Variants in MEGF9 observed in about 807,000 individuals in gnomAD.
The protein encoded by MEGF9 is multiple EGF like domains 9.
A neutral mutation model predicts 46.8 loss-of-function variants in MEGF9; 6 were observed. The observed-to-expected ratio is 0.13, with a 90% CI of 0.07 to 0.25. The LOEUF (loss-of-function observed/expected upper bound fraction) is 0.25, where lower values mean the gene tolerates loss of function less well. MEGF9 is among the 10% of genes least tolerant of loss of function. MEGF9 has a pLI of 1.00. For synonymous variants in MEGF9, 302 were observed against 330.7 expected, an observed-to-expected ratio of 0.91 and a Z score of 0.94; for missense variants, 683 against 792.4, an observed-to-expected ratio of 0.86 and a Z score of 1.66.
At chr9:120,622,036 T>C (rs1241627129) in intron 3 of MEGF9, among the ~76,000 whole-genome samples, 2 of 152,190 alleles carry the variant, frequency 1.3e-5, no homozygotes, top group East Asian at 3.8e-4. Flanking sequence ...TTGAATGTCA[T>C]AGCAGGCCCT....
At chr9:120,613,557 A>G (rs1356477883) in intron 3 of MEGF9, among the ~76,000 whole-genome samples, 1 of 152,080 alleles carries the variant, frequency 6.6e-6, no homozygotes, top group African/African-American at 2.4e-5. Flanking sequence ...TTAAAAATTT[A>G]AAGTAAAAAT....
chr9:120,612,228 T>A (rs1488339278), intron 4 of MEGF9, among the ~76,000 whole-genome samples, 168 bp downstream of exon 4: 1 of 152,200 alleles, frequency 6.6e-6, no homozygotes, highest in Non-Finnish European at 1.5e-5. Flanking sequence ...CATTCACATA[T>A]ATATATATTT....
At chr9:120,671,479 G>A in intron 1 of MEGF9, among the ~76,000 whole-genome samples, 1 of 151,842 alleles carries the variant, frequency 6.6e-6, no homozygotes, top group East Asian at 1.9e-4. Flanking sequence ...ATCACTACGG[G>A]GAATATTATG....
intron 2 of MEGF9, among the ~76,000 whole-genome samples, chr9:120,653,502 G>C (rs2043663016): frequency 6.6e-6 from 1 of 151,626 alleles, no homozygotes. Context: ...CTCCCAAGCA[G>C]CTGGGATTAC....
At chr9:120,612,590 AG>A in intron 3 of MEGF9, 51 bp from the exon 4 acceptor site, 1 of 1,516,590 alleles carries the variant, frequency 6.6e-7, no homozygotes, top group South Asian at 1.2e-5. Context: ...TTGAAAGCCA[AG>A]TAACTTTCAA....
chr9:120,667,010 T>C (rs1412288025), intron 1 of MEGF9, among the ~76,000 whole-genome samples: 1 of 152,214 alleles, frequency 6.6e-6, no homozygotes, highest in South Asian at 2.1e-4. Flanking sequence ...TGATTATACA[T>C]GTATCAACAC....
Position 120,605,580 on chromosome 9 carries a change from T to G in MEGF9, c.1419A>C (p.Thr473=). The part of the protein sequence containing the change: ...TILVSNASLT[T]SVPTPVINST... ...TATTTATAACAGGGGTGGGCACTGA[T>G]GTGGTCAAAGAGGCATTGGAAACCA... Residue 473 remains threonine (T), a synonymous_variant, in exon 6 of 6, where the codon ACA becomes ACC. Transcript: ENST00000373930. The surrounding 1 kb of genome is among the most constrained non-coding windows in gnomAD (Gnocchi z 4.0). The G allele has an allele frequency of 6.2e-7, 1 of 1,605,274 alleles. No homozygotes were observed. Among genetic ancestry groups the G allele is most frequent in the Non-Finnish European group, 8.5e-7 (1 of 1,175,214 alleles).
intron 2 of MEGF9, among the ~76,000 whole-genome samples, chr9:120,637,849 A>C (rs912021010): frequency 2.0e-5 from 3 of 148,964 alleles, no homozygotes; most frequent in Non-Finnish European, 4.4e-5. Flanking sequence ...TCTGCACTTC[A>C]TAAGTCATTT....
intron 2 of MEGF9, among the ~76,000 whole-genome samples, chr9:120,639,254 ATCCCAGCAC>A (rs1040979138): frequency 6.6e-6 from 1 of 152,068 alleles, no homozygotes; most frequent in African/African-American, 2.4e-5. Flanking sequence ...CATGCCTGTA[ATCCCAGCAC>A]TCTGGGAGGC....
At chr9:120,615,328 C>T (rs78345352) in intron 3 of MEGF9, among the ~76,000 whole-genome samples, 2,388 of 149,358 alleles carry the variant, frequency 0.016, 57 homozygotes, top group African/African-American at 0.055. Flanking sequence ...CACACACACA[C>T]TTGTAATCCT....
chr9:120,655,579 A>G (rs897363261), intron 2 of MEGF9, among the ~76,000 whole-genome samples: 3 of 152,238 alleles, frequency 2.0e-5, no homozygotes, highest in African/African-American at 7.2e-5. Flanking sequence ...CCATCACTGA[A>G]TATCACATAT....
intron 1 of MEGF9, among the ~76,000 whole-genome samples, chr9:120,705,579 G>T (rs753784979): frequency 2.0e-5 from 3 of 150,376 alleles, no homozygotes; most frequent in Non-Finnish European, 4.4e-5. Context: ...AATAGGGAAA[G>T]ATTTTTCTGA....
intron 3 of MEGF9, among the ~76,000 whole-genome samples, chr9:120,614,865 C>T (rs568260600): frequency 6.6e-6 from 1 of 151,562 alleles, no homozygotes; most frequent in South Asian, 2.1e-4. Flanking sequence ...ATAATAAGTC[C>T]TTTGTGCATA....
At position 120,602,635 on chromosome 9, in the gene MEGF9, C is replaced by T. The variant is rs2043402141; in HGVS notation, c.*2555G>A. On this transcript the variant is annotated 3_prime_UTR_variant, in exon 6 of 6. Transcript: ENST00000373930. ...TCAATTTTTCAATACCTTTTAAGGT[C>T]TGTTTCAAGGAATTTCTACATGGTC... 1 of 152,088 alleles carries T rather than the reference C, an allele frequency of 6.6e-6. No homozygotes were observed. The highest frequency in any genetic ancestry group is 6.5e-5 in the Admixed American group (1 of 15,270). 9.4% of individuals were successfully genotyped at this position (152,088 alleles called of 1,614,324 possible).
In MEGF9 at chr9:120,605,433, G is replaced by T; in HGVS notation, c.1566C>A (p.Ile522=). Residue 522 remains isoleucine (I), a synonymous_variant, in exon 6 of 6, where the codon ATC becomes ATA. Transcript: ENST00000373930. The surrounding 1 kb of genome is among the most constrained non-coding windows in gnomAD (Gnocchi z 4.0). ...QFNIIILTVI[I]IVVVLLMGFV... is the part of the protein sequence containing the mutation. Reference sequence around the variant, plus strand: ...ATCCCATTAGCAGCACCACAACAATGATGATGACTGTCAAAATGATGATGT... The same window carrying T: ...ATCCCATTAGCAGCACCACAACAATTATGATGACTGTCAAAATGATGATGT... 1 of 1,614,026 alleles carries T rather than the reference G, an allele frequency of 6.2e-7. No homozygotes were observed. Among genetic ancestry groups the T allele is most frequent in the African/African-American group, 1.3e-5 (1 of 75,048 alleles).
intron 2 of MEGF9, among the ~76,000 whole-genome samples, chr9:120,653,336 A>G (rs2043661850): frequency 6.6e-6 from 1 of 151,982 alleles, no homozygotes; most frequent in South Asian, 2.1e-4. Flanking sequence ...TGTTCTGACA[A>G]ATTGCCTGAC....
rs71385077 is a variant in MEGF9, at chr9:120,687,670, C to CTGTGTGTGTGTGTG, written c.601+26074_601+26087dup. Among the ~76,000 whole-genome samples, 318 of 142,050 alleles carry CTGTGTGTGTGTGTG rather than the reference C, an allele frequency of 2.2e-3. 3 individuals carry two copies. The highest frequency in any genetic ancestry group is 8.2e-3 in the East Asian group (39 of 4,732). 93.2% of individuals were successfully genotyped at this position (142,050 alleles called of 152,430 possible). A position where few individuals can be genotyped will look rare whatever the true frequency, so the allele number is the denominator to read the frequency against. On this transcript the variant is annotated intron_variant, in intron 1 of 5. Coordinates refer to ENST00000373930, the MANE Select transcript of MEGF9 (RefSeq NM_001080497.3). ...CAAAATTTGAAACATGAACACAACA[C>CTGTGTGTGTGTGTG]TGTGTGTGTGTGTGTGTGTGTGTGT...
chr9:120,682,683 G>A (rs1373402335), intron 1 of MEGF9, among the ~76,000 whole-genome samples: 1 of 152,104 alleles, frequency 6.6e-6, no homozygotes, highest in African/African-American at 2.4e-5. Context: ...CCCAGGCTCA[G>A]GCCATCCTCC....
chr9:120,613,573 CAATT>C (rs1287491099), intron 3 of MEGF9, among the ~76,000 whole-genome samples: 1 of 151,416 alleles, frequency 6.6e-6, no homozygotes, highest in East Asian at 1.9e-4. Flanking sequence ...AAAATAAAAA[CAATT>C]AATAAAGAAA....
Sources: gnomAD v4.1 joint callset for allele counts (sites outside exome capture counted in the v4.1 genomes callset) on GRCh38, gnomAD v4.1.1 for gene constraint, Gnocchi (gnomAD v3.1) non-coding constraint, MANE v1.5 for transcripts, NCBI Gene and HGNC (gene_info 2026-07-23, HGNC 2026-07-21) for gene names.